Variants in LOC128092253 observed in about 807,000 individuals in gnomAD.
chr6:133,954,464 A>G, the LOC128092253 span, among the ~76,000 whole-genome samples: 1 of 152,242 alleles, frequency 6.6e-6, no homozygotes, highest in Non-Finnish European at 1.5e-5. Flanking sequence ...TGTTAGCACT[A>G]TCTGGTTGAA....
chr6:133,969,112 A>T, the LOC128092253 span, among the ~76,000 whole-genome samples: 1 of 152,196 alleles, frequency 6.6e-6, no homozygotes, highest in African/African-American at 2.4e-5. Flanking sequence ...TTTCAACCAG[A>T]ATTTTTGCAT....
chr6:133,957,122 G>T, the LOC128092253 span, among the ~76,000 whole-genome samples: 3 of 152,134 alleles, frequency 2.0e-5, no homozygotes, highest in Non-Finnish European at 1.5e-5. Context: ...GGTTTAAATG[G>T]CTGGTTTTGT....
chr6:133,970,490 T>C, the LOC128092253 span, among the ~76,000 whole-genome samples: 1 of 152,210 alleles, frequency 6.6e-6, no homozygotes, highest in Non-Finnish European at 1.5e-5. Flanking sequence ...TATTATTAAA[T>C]AAAGTCCTAA....
chr6:133,958,025 A>AG, the LOC128092253 span, among the ~76,000 whole-genome samples: 1 of 152,078 alleles, frequency 6.6e-6, no homozygotes, highest in Non-Finnish European at 1.5e-5. Flanking sequence ...AGGCTTTAGG[A>AG]GGGGGAAGTA....
At chr6:133,978,705 C>T in the LOC128092253 span, among the ~76,000 whole-genome samples, 15 of 152,070 alleles carry the variant, frequency 9.9e-5, no homozygotes, top group African/African-American at 3.4e-4. Context: ...GAATTGAATG[C>T]CATATGGTCT....
the LOC128092253 span, among the ~76,000 whole-genome samples, chr6:133,966,154 A>C: frequency 6.6e-6 from 1 of 152,138 alleles, no homozygotes; most frequent in Non-Finnish European, 1.5e-5. Context: ...TTGCTTTTTA[A>C]TAACCTCAAG....
the LOC128092253 span, among the ~76,000 whole-genome samples, chr6:133,963,544 C>T: frequency 6.6e-6 from 1 of 152,290 alleles, no homozygotes; most frequent in Middle Eastern, 3.4e-3. Context: ...CCTCAGCCTC[C>T]TGAGTAGCTG....
chr6:133,977,013 C>T, the LOC128092253 span, among the ~76,000 whole-genome samples: 1 of 151,088 alleles, frequency 6.6e-6, no homozygotes, highest in East Asian at 1.9e-4. Flanking sequence ...TTGTCTGTTT[C>T]GTTGGACTGT....
At chr6:133,970,615 T>TG in the LOC128092253 span, among the ~76,000 whole-genome samples, 1,093 of 141,722 alleles carry the variant, frequency 7.7e-3, 11 homozygotes, top group Middle Eastern at 0.089. Flanking sequence ...TTGTTTTTGC[T>TG]TTTTTTTTTT....
At chr6:133,973,686 T>C in the LOC128092253 span, among the ~76,000 whole-genome samples, 1 of 152,206 alleles carries the variant, frequency 6.6e-6, no homozygotes, top group Non-Finnish European at 1.5e-5. Flanking sequence ...GTACACAAAA[T>C]CTTTGAGTGA....
chr6:133,970,930 C>T, the LOC128092253 span, among the ~76,000 whole-genome samples: 1 of 152,120 alleles, frequency 6.6e-6, no homozygotes, highest in Non-Finnish European at 1.5e-5. Flanking sequence ...ATGAATTTAT[C>T]ATTTCTTTGT....
At chr6:133,955,021 C>G in the LOC128092253 span, among the ~76,000 whole-genome samples, 1 of 152,042 alleles carries the variant, frequency 6.6e-6, no homozygotes. Context: ...CATTGGGAAA[C>G]TTAAGTTGCA....
the LOC128092253 span, among the ~76,000 whole-genome samples, chr6:133,962,021 C>T: frequency 6.6e-6 from 1 of 152,050 alleles, no homozygotes; most frequent in African/African-American, 2.4e-5. Flanking sequence ...ACTAAATATG[C>T]AATTATGCGT....
the LOC128092253 span, among the ~76,000 whole-genome samples, chr6:133,965,832 A>G: frequency 7.2e-5 from 11 of 152,360 alleles, no homozygotes; most frequent in South Asian, 1.4e-3. Flanking sequence ...GAGATATAAT[A>G]ATAGTAACAA....
the LOC128092253 span, among the ~76,000 whole-genome samples, chr6:133,967,945 A>G: frequency 6.6e-6 from 1 of 152,158 alleles, no homozygotes; most frequent in Non-Finnish European, 1.5e-5. Context: ...AGAGCCTAGG[A>G]CCATGTGCTT....
the LOC128092253 span, among the ~76,000 whole-genome samples, chr6:133,965,315 T>C: frequency 6.6e-6 from 1 of 152,202 alleles, no homozygotes; most frequent in East Asian, 1.9e-4. Flanking sequence ...ATATAAGACC[T>C]GCTCAAGAAA....
chr6:133,964,967 G>A, the LOC128092253 span, among the ~76,000 whole-genome samples: 12 of 152,114 alleles, frequency 7.9e-5, no homozygotes, highest in African/African-American at 2.4e-4. Context: ...TTCTTGATGA[G>A]TTATCAGTGC....
chr6:133,976,532 T>C, the LOC128092253 span, among the ~76,000 whole-genome samples: 3 of 152,226 alleles, frequency 2.0e-5, no homozygotes, highest in Non-Finnish European at 4.4e-5. Flanking sequence ...TTATTGTTTT[T>C]CTTGTTTTAA....
the LOC128092253 span, among the ~76,000 whole-genome samples, chr6:133,976,756 G>A: frequency 3.3e-5 from 5 of 152,194 alleles, no homozygotes; most frequent in South Asian, 2.1e-4. Flanking sequence ...TTGGGAGGCC[G>A]AGGCAGTGGC....
Sources: gnomAD v4.1 joint callset for allele counts (sites outside exome capture counted in the v4.1 genomes callset) on GRCh38, gnomAD v4.1.1 for gene constraint, MANE v1.5 for transcripts.